Variants in SMARCA2 observed in about 807,000 individuals in gnomAD.
SMARCA2 encodes the protein SWI/SNF-related matrix-associated actin-dependent regulator of chromatin subfamily A member 2.
In SMARCA2, 61 loss-of-function variants were observed where a neutral mutation model predicts 199.8. The observed-to-expected ratio is 0.31, with a 90% CI of 0.25 to 0.38. The LOEUF (loss-of-function observed/expected upper bound fraction) is 0.38. Among genes scored for constraint, SMARCA2 ranks in the 10% least tolerant of loss-of-function variants. The pLI is 1.00. For missense variants in SMARCA2, 1,344 were observed against 2,012.2 expected (o/e 0.67, Z 6.35); for synonymous variants, 935 against 732.0 (o/e 1.28, Z -4.48).
intron 27 of SMARCA2, among the ~76,000 whole-genome samples, chr9:2,133,933 G>A (rs7029519): frequency 1.3e-5 from 2 of 151,940 alleles, no homozygotes; most frequent in Non-Finnish European, 2.9e-5. Flanking sequence ...CTAATTAGCT[G>A]TGTGACCTTG....
Position 2,120,169 on chromosome 9 carries a change from A to C in SMARCA2, c.3762+634A>C, listed in dbSNP as rs73638384. Among the ~76,000 whole-genome samples, 1,068 of 152,366 alleles carry C rather than the reference A, an allele frequency of 7.0e-3. 17 individuals are homozygous for C. The highest frequency in any genetic ancestry group is 0.025 in the African/African-American group (1,022 of 41,588). ...ATCAAAATCAGTTGGATTTCCCTCC[A>C]GTATCTTCAATCATTTTCATCTTCA... On this transcript the variant is annotated intron_variant, in intron 26 of 33. Coordinates refer to ENST00000349721, the MANE Select transcript of SMARCA2 (RefSeq NM_003070.5).
At chr9:2,145,326 A>G (rs1016188561) in intron 27 of SMARCA2, among the ~76,000 whole-genome samples, 2 of 142,200 alleles carry the variant, frequency 1.4e-5, no homozygotes, top group Non-Finnish European at 3.0e-5. Context: ...AAAAAAAAAA[A>G]AAAGAGAGAG....
rs776260505 is a variant in SMARCA2, at chr9:2,148,612, G to C, written c.3982-13074G>C. Among the ~76,000 whole-genome samples, 13 of 151,266 alleles carry C rather than the reference G, an allele frequency of 8.6e-5. 1 individual carries two copies. Among genetic ancestry groups the C allele is most frequent in the African/African-American group, 1.2e-4 (5 of 41,322 alleles). The stretch of plus-strand genomic sequence containing the variant: ...CCCATTAACTCGTCATTTAGCATTA[G>C]GTATAAGGAGATGTTTTCTTTCTTT... On this transcript the variant is annotated intron_variant, in intron 27 of 33. Transcript: ENST00000349721.
chr9:2,091,250 C>G (rs1339985029), intron 19 of SMARCA2, among the ~76,000 whole-genome samples: 1 of 152,174 alleles, frequency 6.6e-6, no homozygotes, highest in Non-Finnish European at 1.5e-5. Flanking sequence ...TTTCCTGGTA[C>G]TACTTCTTTT....
chr9:2,093,331 T>G (rs1434710291), intron 19 of SMARCA2, among the ~76,000 whole-genome samples: 1 of 152,192 alleles, frequency 6.6e-6, no homozygotes, highest in Non-Finnish European at 1.5e-5. Flanking sequence ...ATATTGATCT[T>G]TCTCTTAAAA....
intron 27 of SMARCA2, among the ~76,000 whole-genome samples, chr9:2,126,366 C>A (rs190785549): frequency 1.8e-4 from 28 of 152,326 alleles, no homozygotes; most frequent in Admixed American, 1.6e-3. Flanking sequence ...ATGAAACTGG[C>A]AACTTGTTAT....
At chr9:2,070,746 T>A (rs578197511) in intron 10 of SMARCA2, among the ~76,000 whole-genome samples, 2 of 152,348 alleles carry the variant, frequency 1.3e-5, no homozygotes, top group East Asian at 3.9e-4. Context: ...TGTTTACAAA[T>A]ATATAGGATG....
At chr9:2,068,428 A>T (rs776288984) in intron 9 of SMARCA2, among the ~76,000 whole-genome samples, 3 of 152,186 alleles carry the variant, frequency 2.0e-5, no homozygotes, top group Admixed American at 6.5e-5. Flanking sequence ...TATTTTTGGT[A>T]AAAATTGCAT....
In SMARCA2 at chr9:2,115,261, T is replaced by C. The variant is rs1043936372; in HGVS notation, c.3457-561T>C. ...TTGACTACCCAACTAGCAATCCTTT[T>C]GATTTCCCAGATTGAAGACCGAGTC... On this transcript the variant is annotated intron_variant, in intron 24 of 33. Transcript: ENST00000349721. This position sits in a 1 kb window ranked among gnomAD's most constrained non-coding sequence, Gnocchi z 6.0. Among the ~76,000 whole-genome samples, 1 of 152,218 alleles carries C rather than the reference T, an allele frequency of 6.6e-6. No homozygotes were observed. Among genetic ancestry groups the C allele is most frequent in the African/African-American group, 2.4e-5 (1 of 41,458 alleles).
In SMARCA2 at chr9:2,161,922, C is replaced by T. The variant is rs753406312; in HGVS notation, c.4199+19C>T. On this transcript the variant is annotated intron_variant, in intron 28 of 33. Coordinates refer to ENST00000349721, the MANE Select transcript of SMARCA2 (RefSeq NM_003070.5). This position sits in a 1 kb window ranked among gnomAD's most constrained non-coding sequence, Gnocchi z 4.7. The stretch of plus-strand genomic sequence containing the variant: ...AAGATAGGTGAGTGTTTGGTTCCTT[C>T]ACCTTGATCATCTCTCACCAAGACG... 6.3e-7 allele frequency: 1 copy of T among 1,596,026 alleles called. No homozygotes were observed. Among genetic ancestry groups the T allele is most frequent in the Non-Finnish European group, 8.6e-7 (1 of 1,164,526 alleles).
At chr9:2,066,358 A>G (rs544215941) in intron 9 of SMARCA2, among the ~76,000 whole-genome samples, 1 of 152,306 alleles carries the variant, frequency 6.6e-6, no homozygotes, top group Admixed American at 6.5e-5. Context: ...TCATATTTAG[A>G]GATTTCTTTC....
intron 9 of SMARCA2, among the ~76,000 whole-genome samples, chr9:2,070,154 T>C (rs1003040339): frequency 1.3e-5 from 2 of 152,230 alleles, no homozygotes; most frequent in African/African-American, 4.8e-5. Flanking sequence ...CTTAAGCTCT[T>C]TGGGTCCCTG....
Position 2,029,149 on chromosome 9 carries a change from A to G in SMARCA2, c.127A>G (p.Met43Val). The change falls in exon 2 of 34, where the codon ATG becomes GTG. Residue 43 changes from methionine (M) to valine (V), a missense_variant. Around this residue, in one of 18 missense-constraint regions of SMARCA2, gnomAD observed 275 missense variants for 247.5 expected, o/e 1.11. Coordinates refer to ENST00000349721, the MANE Select transcript of SMARCA2 (RefSeq NM_003070.5). The part of the protein sequence containing the change: ...PGPSPGSVHS[M>V]MGPSPGPPSV... Reference sequence around the variant, plus strand: ...ACCATCCCCAGGTTCCGTCCACAGCATGATGGGGCCAAGTCCTGGACCTCC... The same window carrying G: ...ACCATCCCCAGGTTCCGTCCACAGCGTGATGGGGCCAAGTCCTGGACCTCC... 1.2e-6 allele frequency: 2 copies of G among 1,612,902 alleles called. No individual in the cohort carries two copies.
intron 1 of SMARCA2, among the ~76,000 whole-genome samples, chr9:2,023,771 A>T (rs1818705608): frequency 6.6e-6 from 1 of 152,240 alleles, no homozygotes; most frequent in African/African-American, 2.4e-5. Context: ...CCCAGTTCTG[A>T]AGATGTTGCT....
At chr9:2,095,027 T>C (rs1822212196) in intron 19 of SMARCA2, among the ~76,000 whole-genome samples, 1 of 152,178 alleles carries the variant, frequency 6.6e-6, no homozygotes, top group Admixed American at 6.5e-5. Flanking sequence ...GTATATATTA[T>C]ACCTTTCTAA....
Position 2,039,804 on chromosome 9 carries a change from CA to C in SMARCA2, c.695del (p.Gln232ArgfsTer38), listed in dbSNP as rs765416329. On this transcript the variant is annotated frameshift_variant, in exon 4 of 34. Coordinates refer to ENST00000349721, the MANE Select transcript of SMARCA2 (RefSeq NM_003070.5). LOFTEE classifies it high-confidence loss of function. The surrounding 1 kb of genome is among the most constrained non-coding windows in gnomAD (Gnocchi z 4.8). ...GCAGCAGCAGCAGCAGCAGCAGCAG[CA>C]GCAGCAGCAGCAACAGCAGCCGCAG... ...QQQQQQQQQQ[Q>X]QQQQQQPQQQ... is the part of the protein sequence containing the mutation. 2 of 1,607,576 alleles carry C rather than the reference CA, an allele frequency of 1.2e-6. No individual in the cohort carries two copies. The highest frequency in any genetic ancestry group is 1.7e-5 in the Admixed American group (1 of 59,556).
intron 1 of SMARCA2, among the ~76,000 whole-genome samples, 182 bp from the exon 2 acceptor site, chr9:2,028,805 G>A (rs1818940143): frequency 6.6e-6 from 1 of 152,136 alleles, no homozygotes; most frequent in African/African-American, 2.4e-5. Flanking sequence ...TAAACAAGTG[G>A]TCTTCATAAA....
intron 31 of SMARCA2, among the ~76,000 whole-genome samples, chr9:2,183,074 C>T (rs1409456543): frequency 1.3e-5 from 2 of 152,292 alleles, no homozygotes; most frequent in South Asian, 2.1e-4. Flanking sequence ...TACAGGTGTG[C>T]ACCACTGTGC....
intron 1 of SMARCA2, among the ~76,000 whole-genome samples, chr9:2,026,976 C>T (rs1018442911): frequency 1.3e-5 from 2 of 152,152 alleles, no homozygotes; most frequent in African/African-American, 2.4e-5. Context: ...GTACTGGGTT[C>T]CCTTAGTCCT....
Sources: allele counts gnomAD v4.1 joint callset (sites outside exome capture counted in the v4.1 genomes callset), GRCh38; gene constraint gnomAD v4.1.1; regional missense constraint gnomAD v4.1.1; non-coding constraint Gnocchi (gnomAD v3.1); transcripts MANE v1.5; gene names NCBI Gene and HGNC (gene_info 2026-07-23, HGNC 2026-07-21).